PTK2: variants seen among roughly 807,000 people sequenced by gnomAD.
PTK2 encodes protein tyrosine kinase 2, also known as focal adhesion kinase 1.
In PTK2, 45 loss-of-function variants were observed where a neutral mutation model predicts 150.1. The observed-to-expected ratio is 0.30, with a 90% confidence interval of 0.24 to 0.38. PTK2 has a LOEUF of 0.38. Ranked by LOEUF, PTK2 falls within the 10% of genes least tolerant of loss-of-function variation. The pLI is 1.00. For synonymous variants in PTK2, 432 were observed against 449.2 expected (o/e 0.96, Z 0.48); for missense variants, 919 against 1,307.3 (o/e 0.70, Z 4.58).
chr8:140,695,683 T>C (rs2100026121), intron 26 of PTK2, among the ~76,000 whole-genome samples: 1 of 152,194 alleles, frequency 6.6e-6, no homozygotes, highest in Non-Finnish European at 1.5e-5. Context: ...ATTACAGGCA[T>C]GAGCCACAGT....
chr8:140,789,680 G>A (rs931648658), intron 13 of PTK2, among the ~76,000 whole-genome samples, 154 bp from the exon 14 acceptor site: 1 of 152,110 alleles, frequency 6.6e-6, no homozygotes, highest in Non-Finnish European at 1.5e-5. Flanking sequence ...AAATAGCCAG[G>A]CTGCTTTAAT....
At chr8:140,879,398 G>C in intron 4 of PTK2, 73 bp downstream of exon 4, 1 of 1,414,776 alleles carries the variant, frequency 7.1e-7, no homozygotes, top group Non-Finnish European at 9.5e-7. Flanking sequence ...ATATACATTT[G>C]TTATCTTGTG....
At chr8:140,902,775 C>G (rs564979676) in intron 2 of PTK2, among the ~76,000 whole-genome samples, 20 of 152,138 alleles carry the variant, frequency 1.3e-4, no homozygotes, top group African/African-American at 4.1e-4. Context: ...AGTGTCTGTT[C>G]ATATCCTTCG....
At chr8:140,897,717 A>G (rs2100156847) in intron 2 of PTK2, among the ~76,000 whole-genome samples, 1 of 152,164 alleles carries the variant, frequency 6.6e-6, no homozygotes, top group Non-Finnish European at 1.5e-5. Flanking sequence ...GTTTCTACCA[A>G]TTAACAGACT....
chr8:140,869,756 G>A (rs1054198075), intron 4 of PTK2, among the ~76,000 whole-genome samples: 2 of 151,670 alleles, frequency 1.3e-5, no homozygotes, highest in East Asian at 3.9e-4. Context: ...CATAAACAAA[G>A]AAAGAGGGGC....
At chr8:140,827,774 G>C (rs2100112715) in intron 8 of PTK2, among the ~76,000 whole-genome samples, 1 of 152,202 alleles carries the variant, frequency 6.6e-6, no homozygotes. Context: ...AACAAAGGGT[G>C]TAGAGTGGAG....
intron 7 of PTK2, among the ~76,000 whole-genome samples, chr8:140,845,632 T>C (rs554067114): frequency 6.6e-6 from 1 of 152,334 alleles, no homozygotes; most frequent in Non-Finnish European, 1.5e-5. Flanking sequence ...GTCTTCCTTT[T>C]AGTGGAATGC....
intron 14 of PTK2, among the ~76,000 whole-genome samples, chr8:140,783,792 G>C (rs184687050): frequency 6.6e-6 from 1 of 152,234 alleles, no homozygotes; most frequent in Admixed American, 6.5e-5. Flanking sequence ...AAATTATGTT[G>C]CATGATAAAC....
At chr8:140,940,412 G>C (rs1423331989) in intron 1 of PTK2, 1 of 152,098 alleles carries the variant, frequency 6.6e-6, no homozygotes, top group Non-Finnish European at 1.5e-5. Flanking sequence ...TAGTGCCACT[G>C]CACTCCAGTC....
intron 1 of PTK2, among the ~76,000 whole-genome samples, chr8:140,944,426 C>G (rs1318802431): frequency 2.0e-5 from 3 of 152,138 alleles, no homozygotes; most frequent in Non-Finnish European, 1.5e-5. Context: ...ACCTTAAGGC[C>G]TAAGCTTTAC....
Position 140,717,192 on chromosome 8 carries a change from TG to T in PTK2, c.2142+405del. ...TCTCAACAAACAAAACAAAGGAATA[TG>T]GTCAGGTAGAGACAGACTCATTTTT... On this transcript the variant is annotated intron_variant, in intron 23 of 31. Transcript: ENST00000522684. Among the ~76,000 whole-genome samples, 7 of 152,310 alleles carry T rather than the reference TG, an allele frequency of 4.6e-5. 1 individual carries two copies. Among genetic ancestry groups the T allele is most frequent in the Admixed American group, 4.6e-4 (7 of 15,300 alleles).
intron 16 of PTK2, among the ~76,000 whole-genome samples, chr8:140,753,373 C>G (rs1236428351): frequency 6.6e-6 from 1 of 152,176 alleles, no homozygotes; most frequent in Non-Finnish European, 1.5e-5. Flanking sequence ...ATGTAATAAG[C>G]TTGAGATGTC....
At chr8:140,692,891 G>A (rs1262328579) in intron 26 of PTK2, among the ~76,000 whole-genome samples, 1 of 152,114 alleles carries the variant, frequency 6.6e-6, no homozygotes, top group East Asian at 1.9e-4. Flanking sequence ...TCCCCGTCTC[G>A]GCATTCATCT....
intron 2 of PTK2, among the ~76,000 whole-genome samples, chr8:140,907,818 G>A (rs779578045): frequency 2.6e-5 from 4 of 152,156 alleles, no homozygotes; most frequent in African/African-American, 7.2e-5. Context: ...TGATACGTGT[G>A]TGTCCTAACT....
At chr8:140,820,076 GTTTTTTTTTTTTTTTTT>G (rs370537018) in intron 8 of PTK2, among the ~76,000 whole-genome samples, 71 of 50,252 alleles carry the variant, frequency 1.4e-3, no homozygotes, top group East Asian at 3.2e-3. Flanking sequence ...TCTGACTTTG[GTTTTTTTTTTTTTTTTT>G]TTTTTTTTTT....
At chr8:140,947,990 T>C (rs1369970598) in intron 1 of PTK2, among the ~76,000 whole-genome samples, 1 of 152,194 alleles carries the variant, frequency 6.6e-6, no homozygotes, top group Non-Finnish European at 1.5e-5. Flanking sequence ...CTCTCCTTTA[T>C]TTTGTTATTT....
exon 11 of PTK2, chr8:140,803,576 T>G (rs2100096555): frequency 1.9e-6 from 3 of 1,613,938 alleles, no homozygotes; most frequent in Non-Finnish European, 2.5e-6. Context: ...GTTGTAGCAT[T>G]CCTTTTCTGT....
chr8:140,947,440 C>A (rs186359995), intron 1 of PTK2, among the ~76,000 whole-genome samples: 1 of 152,142 alleles, frequency 6.6e-6, no homozygotes, highest in Admixed American at 6.5e-5. Context: ...AGTCTGAACT[C>A]GAGCTCATCT....
chr8:140,932,016 G>A (rs2100172023), intron 1 of PTK2, among the ~76,000 whole-genome samples: 1 of 142,116 alleles, frequency 7.0e-6, no homozygotes, highest in Non-Finnish European at 1.5e-5. Flanking sequence ...TAGATATTAT[G>A]TCAAGACAAA....
Sources: allele counts gnomAD v4.1 joint callset (sites outside exome capture counted in the v4.1 genomes callset), GRCh38; gene constraint gnomAD v4.1.1; transcripts MANE v1.5; gene names NCBI Gene and HGNC (gene_info 2026-07-23, HGNC 2026-07-21).